SMARCB1: variants seen among roughly 807,000 people sequenced by gnomAD.
SMARCB1 encodes the protein SWI/SNF related BAF chromatin remodeling complex subunit B1, also known as SWI/SNF-related matrix-associated actin-dependent regulator of chromatin subfamily B member 1.
A neutral mutation model predicts 49.0 loss-of-function variants in SMARCB1; 5 were observed. The observed-to-expected ratio is 0.10, with a 90% CI of 0.05 to 0.21. The LOEUF (loss-of-function observed/expected upper bound fraction) is 0.21, where lower values mean the gene tolerates loss of function less well. Among genes scored for constraint, SMARCB1 ranks in the 10% least tolerant of loss-of-function variants. The probability of loss-of-function intolerance (pLI) is 1.00; values close to 1 mark genes in which losing one functional copy is unlikely to be tolerated. For synonymous variants in SMARCB1, 201 were observed against 200.1 expected (o/e 1.00, Z -0.04); for missense variants, 226 against 509.2 (o/e 0.44, Z 5.35).
In SMARCB1 at chr22:23,835,666, C is replaced by A. The variant is rs2030988008; in HGVS notation, c.*1486C>A. ...AAGGCCTTGAACAAAGGGGAAGATT[C>A]CCAGCCCAGCTGCTCTTAGACATGA... On this transcript the variant is annotated 3_prime_UTR_variant, in exon 9 of 9. Transcript: ENST00000644036. The A allele has an allele frequency of 1.0e-6, 1 of 985,416 alleles. No individual in the cohort carries two copies. The highest frequency in any genetic ancestry group is 4.7e-5 in the South Asian group (1 of 21,296). 61.0% of individuals were successfully genotyped at this position (985,416 alleles called of 1,614,324 possible).
chr22:23,809,662 T>C (rs147510118), intron 5 of SMARCB1, among the ~76,000 whole-genome samples: 6,517 of 148,088 alleles, frequency 0.044, 443 homozygotes, highest in African/African-American at 0.15. Context: ...CCGCCCGCCT[T>C]GGCCTCCCAA....
At chr22:23,809,024 G>A (rs1568946715) in intron 5 of SMARCB1, among the ~76,000 whole-genome samples, 1 of 150,874 alleles carries the variant, frequency 6.6e-6, no homozygotes, top group African/African-American at 2.4e-5. Context: ...TAGTAGAGAT[G>A]GGGTTTCACC....
intron 5 of SMARCB1, chr22:23,803,691 G>A: frequency 1.8e-6 from 1 of 541,364 alleles, no homozygotes; most frequent in South Asian, 2.0e-5. Context: ...GATCTGCATA[G>A]CATGGATGAT....
At position 23,793,780 on chromosome 22, in the gene SMARCB1, A is replaced by AT; in HGVS notation, c.362+92_362+93insT. 8 of 923,402 alleles carry AT rather than the reference A, an allele frequency of 8.7e-6. No homozygotes were observed. In the Admixed American group the frequency reaches 1.6e-4, roughly 19 times the overall value. The allele number at this position is 923,402 out of a possible 1,614,324, so 57.2% of individuals were successfully genotyped here. On this transcript the variant is annotated intron_variant, in intron 3 of 8. Coordinates refer to ENST00000644036, the MANE Select transcript of SMARCB1 (RefSeq NM_003073.5). Reference sequence around the variant, plus strand: ...GGTTGGGTTGAAGTTAAATTGAAACACTTTTTTTTTTTTTTTTTGAGATGG... The same window carrying AT: ...GGTTGGGTTGAAGTTAAATTGAAACATCTTTTTTTTTTTTTTTTTGAGATGG...
At chr22:23,804,689 G>A (rs192992325) in intron 5 of SMARCB1, among the ~76,000 whole-genome samples, 8 of 152,214 alleles carry the variant, frequency 5.3e-5, no homozygotes, top group Admixed American at 2.6e-4. Flanking sequence ...AACTACAGGC[G>A]CGTGCCACCA....
intron 3 of SMARCB1, among the ~76,000 whole-genome samples, chr22:23,794,148 G>C (rs1928596704): frequency 6.6e-6 from 1 of 152,184 alleles, no homozygotes; most frequent in Non-Finnish European, 1.5e-5. Context: ...TCTCCATGTT[G>C]GTCAGGCTGG....
chr22:23,828,166 C>T (rs1401472143), intron 7 of SMARCB1, among the ~76,000 whole-genome samples: 1 of 152,160 alleles, frequency 6.6e-6, no homozygotes, highest in Non-Finnish European at 1.5e-5. Flanking sequence ...CATTCTCCTG[C>T]CTCAGGCTCC....
intron 3 of SMARCB1, 100 bp from the exon 4 acceptor site, chr22:23,800,844 G>T (rs1285447998): frequency 3.2e-6 from 3 of 944,302 alleles, no homozygotes; most frequent in East Asian, 2.4e-5. Context: ...CCTCGAGCCT[G>T]ACAGAGGTAC....
chr22:23,810,037 T>C (rs1929767170), intron 5 of SMARCB1, among the ~76,000 whole-genome samples: 1 of 150,072 alleles, frequency 6.7e-6, no homozygotes, highest in African/African-American at 2.5e-5. Context: ...CCGGGCGTGG[T>C]GGCGCATGCC....
At chr22:23,828,083 C>A (rs2267040) in intron 7 of SMARCB1, among the ~76,000 whole-genome samples, 1 of 151,996 alleles carries the variant, frequency 6.6e-6, no homozygotes, top group Non-Finnish European at 1.5e-5. Flanking sequence ...GATGGGGTCT[C>A]GCTCTGTCGC....
intron 5 of SMARCB1, 54 bp from the exon 6 acceptor site, chr22:23,816,716 C>G: frequency 6.5e-7 from 1 of 1,541,680 alleles, no homozygotes; most frequent in Non-Finnish European, 8.9e-7. Flanking sequence ...GGAGGCCGGT[C>G]CATGCCCAAG....
At chr22:23,821,923 G>A (rs2030109033) in intron 6 of SMARCB1, among the ~76,000 whole-genome samples, 2 of 151,140 alleles carry the variant, frequency 1.3e-5, no homozygotes, top group South Asian at 4.3e-4. Context: ...GGCTGGTCTC[G>A]AACTCCTGGG....
intron 5 of SMARCB1, among the ~76,000 whole-genome samples, chr22:23,812,030 C>T (rs1929898311): frequency 6.6e-6 from 1 of 152,182 alleles, no homozygotes; most frequent in Non-Finnish European, 1.5e-5. Flanking sequence ...GCAAACAATT[C>T]TATAAGTTTG....
chr22:23,835,098 G>A lies in SMARCB1; in HGVS notation c.*918G>A. On this transcript the variant is annotated 3_prime_UTR_variant, in exon 9 of 9. Transcript: ENST00000644036. ...AGCTCCTGCCTTACAAGCCAGCTGTGAGGAATATGGGAATAGCCCTCCCGG... is the reference window on the plus strand; with the variant it reads ...AGCTCCTGCCTTACAAGCCAGCTGTAAGGAATATGGGAATAGCCCTCCCGG... The A allele has an allele frequency of 4.3e-6, 6 of 1,397,782 alleles. No homozygotes were observed. Among genetic ancestry groups the A allele is most frequent in the Non-Finnish European group, 5.6e-6 (6 of 1,079,100 alleles). The allele number at this position is 1,397,782 out of a possible 1,614,324, so 86.6% of individuals were successfully genotyped here. A position where few individuals can be genotyped will look rare whatever the true frequency, so the allele number is the denominator to read the frequency against.
intron 4 of SMARCB1, chr22:23,802,772 C>T (rs1263036419): frequency 3.9e-6 from 1 of 254,690 alleles, no homozygotes; most frequent in Non-Finnish European, 7.7e-6. Flanking sequence ...TCCTGGGACT[C>T]CCTCAGGGCA....
rs35838942 is a variant in SMARCB1, at chr22:23,825,163, G to A, written c.796-62G>A. 6,174 of 1,471,140 alleles carry A rather than the reference G, an allele frequency of 4.2e-3. 42 individuals are homozygous for A. Among genetic ancestry groups the A allele is most frequent in the South Asian group, 0.02 (1,723 of 88,036 alleles). The allele number at this position is 1,471,140 out of a possible 1,614,324, so 91.1% of individuals were successfully genotyped here. ...CCCACCCCAGGCCTGGCAGGGCCCC[G>A]CTCCTCGCGGCCTCCCTGGGCTGCA... On this transcript the variant is annotated intron_variant, in intron 6 of 8. Transcript: ENST00000644036.
chr22:23,810,108 G>T (rs959477751), intron 5 of SMARCB1, among the ~76,000 whole-genome samples: 1 of 151,432 alleles, frequency 6.6e-6, no homozygotes, highest in African/African-American at 2.4e-5. Flanking sequence ...GGAGGCAGAG[G>T]TTGCAGTGAG....
chr22:23,800,518 A>G (rs1568941352), intron 3 of SMARCB1, among the ~76,000 whole-genome samples: 2 of 151,246 alleles, frequency 1.3e-5, no homozygotes, highest in Non-Finnish European at 2.9e-5. Context: ...CTCCCTGGGG[A>G]CCTCCTCCCT....
At chr22:23,816,628 C>T (rs995611706) in intron 5 of SMARCB1, 142 bp from the exon 6 acceptor site, 7 of 799,852 alleles carry the variant, frequency 8.8e-6, no homozygotes, top group African/African-American at 1.7e-5. Context: ...CTCCCAGTTT[C>T]CAGGAAGGCC....
Sources: gnomAD v4.1 joint callset for allele counts (sites outside exome capture counted in the v4.1 genomes callset) on GRCh38, gnomAD v4.1.1 for gene constraint, MANE v1.5 for transcripts, NCBI Gene and HGNC (gene_info 2026-07-23, HGNC 2026-07-21) for gene names.